The following LRSAM1 variants were observed in gnomAD, a reference collection of about 807,000 sequenced individuals.
LRSAM1 encodes the protein leucine rich repeat and sterile alpha motif containing 1, also known as E3 ubiquitin-protein ligase LRSAM1.
In LRSAM1, 96 loss-of-function variants were observed where a neutral mutation model predicts 118.1. The observed-to-expected ratio is 0.81, with a 90% CI of 0.69 to 0.96. LRSAM1 has a LOEUF of 0.96. Among genes scored for constraint, LRSAM1 ranks in the 40% least tolerant of loss-of-function variants. The probability of loss-of-function intolerance (pLI) is 0.00; values close to 1 mark genes in which losing one functional copy is unlikely to be tolerated. For missense variants in LRSAM1, 804 were observed against 915.5 expected, an observed-to-expected ratio of 0.88 and a Z score of 1.57; for synonymous variants, 322 against 364.2, an observed-to-expected ratio of 0.88 and a Z score of 1.32.
chr9:127,471,678 T>A (rs1263027590), intron 10 of LRSAM1, among the ~76,000 whole-genome samples: 1 of 150,378 alleles, frequency 6.6e-6, no homozygotes, highest in Non-Finnish European at 1.5e-5. Context: ...TCCCAGCTAC[T>A]CAGGAGGCTG....
intron 10 of LRSAM1, among the ~76,000 whole-genome samples, chr9:127,473,030 C>T (rs892864102): frequency 1.3e-5 from 2 of 152,096 alleles, no homozygotes; most frequent in South Asian, 2.1e-4. Flanking sequence ...TCACAACCTG[C>T]GTAACATGAA....
At position 127,485,812 on chromosome 9, in the gene LRSAM1, C is replaced by T. The variant is rs186139632; in HGVS notation, c.1236C>T (p.Asn412=). The change falls in exon 17 of 26, where the codon AAC becomes AAT. Residue 412 remains asparagine (N), a synonymous_variant. Coordinates refer to ENST00000300417, the MANE Select transcript of LRSAM1 (RefSeq NM_001005373.4). ...IQMAYESQRQ[N]LVQQACSSMA... is the part of the protein sequence containing the mutation. ...TGGCCTACGAATCTCAGAGGCAGAA[C>T]TTGGTCCAGCAGGCCTGTTCCAGGT... 1.1e-5 allele frequency: 17 copies of T among 1,614,044 alleles called. No homozygotes were observed. Among genetic ancestry groups the T allele is most frequent in the Admixed American group, 1.7e-5 (1 of 60,002 alleles).
chr9:127,467,972 A>C, intron 10 of LRSAM1, 142 bp downstream of exon 10: 1 of 761,732 alleles, frequency 1.3e-6, no homozygotes, highest in South Asian at 1.5e-5. Flanking sequence ...TGGCAAGGGA[A>C]ACAGGCAAAA....
chr9:127,483,144 C>G (rs1835603205), intron 16 of LRSAM1, 124 bp downstream of exon 16: 5 of 860,282 alleles, frequency 5.8e-6, no homozygotes, highest in Admixed American at 2.0e-5. Flanking sequence ...GAGGGGCAGT[C>G]AAGTCCTGCC....
At chr9:127,484,285 C>CTTTTTTT (rs1301004172) in intron 16 of LRSAM1, among the ~76,000 whole-genome samples, 43 of 141,762 alleles carry the variant, frequency 3.0e-4, no homozygotes, top group Admixed American at 5.0e-4. Flanking sequence ...TTTTTTCCTG[C>CTTTTTTT]TTCTTTATTT....
chr9:127,458,885 A>C, intron 6 of LRSAM1, 118 bp from the exon 7 acceptor site: 1 of 876,716 alleles, frequency 1.1e-6, no homozygotes, highest in South Asian at 1.3e-5. Flanking sequence ...AAGGAGTGGC[A>C]GGCACTCTGT....
Position 127,481,470 on chromosome 9 carries a change from G to A in LRSAM1, c.1088+243G>A, listed in dbSNP as rs1201176730. On this transcript the variant is annotated intron_variant, in intron 15 of 25. Coordinates refer to ENST00000300417, the MANE Select transcript of LRSAM1 (RefSeq NM_001005373.4). ...TCACCGTGTTAACCAGGATGGTTTC[G>A]ATCTCCTGACCTCATGATCTGCCCG... 2.4e-4 allele frequency among the ~76,000 whole-genome samples: 36 copies of A among 151,872 alleles called. 1 individual carries two copies. The highest frequency in any genetic ancestry group is 2.4e-3 in the Admixed American group (36 of 15,236).
Position 127,465,683 on chromosome 9 carries a change from C to G in LRSAM1, c.529-2057C>G, listed in dbSNP as rs1335953374. 6.6e-6 allele frequency among the ~76,000 whole-genome samples: 1 copy of G among 152,238 alleles called. No homozygotes were observed. Among genetic ancestry groups the G allele is most frequent in the Non-Finnish European group, 1.5e-5 (1 of 68,042 alleles). On this transcript the variant is annotated intron_variant, in intron 9 of 25. Coordinates refer to ENST00000300417, the MANE Select transcript of LRSAM1 (RefSeq NM_001005373.4). This position sits in a 1 kb window ranked among gnomAD's most constrained non-coding sequence, Gnocchi z 4.1. Reference sequence around the variant, plus strand: ...GGGCTGGGGGACCTGAGCTACCCTTCCCACCCAGCCACTTGTGTTACAGCA... The same window carrying G: ...GGGCTGGGGGACCTGAGCTACCCTTGCCACCCAGCCACTTGTGTTACAGCA...
intron 10 of LRSAM1, among the ~76,000 whole-genome samples, chr9:127,471,472 TAAAAAAAAAAAAAA>T (rs71380064): frequency 1.5e-5 from 1 of 68,032 alleles, no homozygotes; most frequent in African/African-American, 5.9e-5. Context: ...CCTTATGTTA[TAAAAAAAAAAAAAA>T]AAAAAAAAAA....
intron 16 of LRSAM1, among the ~76,000 whole-genome samples, chr9:127,485,413 C>T (rs1212064345): frequency 1.3e-5 from 2 of 151,830 alleles, no homozygotes; most frequent in Admixed American, 6.6e-5. Context: ...AAAAATTAGG[C>T]GGGCGTGGTG....
chr9:127,491,183 TAAA>T (rs554583477), intron 19 of LRSAM1, 29 bp from the exon 20 acceptor site: 62 of 1,547,744 alleles, frequency 4.0e-5, no homozygotes, highest in Non-Finnish European at 5.4e-5. Flanking sequence ...TTAATGTGAG[TAAA>T]AAAAAACCCT....
intron 9 of LRSAM1, among the ~76,000 whole-genome samples, chr9:127,467,102 GA>G (rs781037777): frequency 6.6e-6 from 1 of 152,172 alleles, no homozygotes. Context: ...TGGCAACCGA[GA>G]GGCAGCTAAT....
Position 127,462,374 on chromosome 9 carries a change from G to C in LRSAM1, c.528+1G>C. ...GCTGGCTCACGTTCGAACCCTGGAG[G>C]TAAATGGGAAGCTGTTCTTGCCTGG... On this transcript the variant is annotated splice_donor_variant, in intron 9 of 25. Coordinates refer to ENST00000300417, the MANE Select transcript of LRSAM1 (RefSeq NM_001005373.4). LOFTEE classifies it high-confidence loss of function. 1 of 1,613,870 alleles carries C rather than the reference G, an allele frequency of 6.2e-7. No individual in the cohort carries two copies. The highest frequency in any genetic ancestry group is 1.6e-4 in the Middle Eastern group (1 of 6,062).
At chr9:127,495,034 C>G (rs1836073390) in intron 21 of LRSAM1, among the ~76,000 whole-genome samples, 1 of 152,222 alleles carries the variant, frequency 6.6e-6, no homozygotes, top group African/African-American at 2.4e-5. Context: ...TCACTGCAAC[C>G]TCTGCCTCCC....
intron 24 of LRSAM1, among the ~76,000 whole-genome samples, chr9:127,499,522 C>A (rs563798105): frequency 8.5e-4 from 87 of 102,508 alleles, no homozygotes; most frequent in Admixed American, 3.8e-3. Flanking sequence ...CAGAGCAAGA[C>A]CCTGTCTAAA....
chr9:127,499,545 T>A (rs1423630506), intron 24 of LRSAM1, among the ~76,000 whole-genome samples: 5 of 145,832 alleles, frequency 3.4e-5, no homozygotes, highest in South Asian at 4.3e-4. Flanking sequence ...AAAATATATA[T>A]ATATATATAT....
intron 20 of LRSAM1, 28 bp downstream of exon 20, chr9:127,491,323 C>T: frequency 6.3e-7 from 1 of 1,588,576 alleles, no homozygotes; most frequent in Non-Finnish European, 8.6e-7. Context: ...CCCCTGCCCT[C>T]CTTCACGTGG....
intron 10 of LRSAM1, among the ~76,000 whole-genome samples, chr9:127,472,001 G>T (rs144394245): frequency 6.6e-6 from 1 of 150,558 alleles, no homozygotes. Flanking sequence ...TCTCACTGTC[G>T]CCCAGGCTGG....
At chr9:127,499,538 ATAT>A (rs758347382) in intron 24 of LRSAM1, among the ~76,000 whole-genome samples, 8 of 146,334 alleles carry the variant, frequency 5.5e-5, no homozygotes, top group African/African-American at 7.7e-5. Flanking sequence ...CTAAAAAAAA[ATAT>A]ATATATATAT....
Sources: gnomAD v4.1 joint callset for allele counts (sites outside exome capture counted in the v4.1 genomes callset) on GRCh38, gnomAD v4.1.1 for gene constraint, Gnocchi (gnomAD v3.1) non-coding constraint, MANE v1.5 for transcripts, NCBI Gene and HGNC (gene_info 2026-07-23, HGNC 2026-07-21) for gene names.